VGLL4: variants seen among roughly 807,000 people sequenced by gnomAD.
The protein encoded by VGLL4 is transcription cofactor vestigial-like protein 4.
VGLL4 carries 7 observed loss-of-function variants against 21.0 expected under a neutral mutation model. The ratio of observed to expected loss-of-function variants is 0.33; its 90% CI spans 0.19 to 0.63. The LOEUF (loss-of-function observed/expected upper bound fraction) is 0.63. VGLL4 is among the 20% of genes least tolerant of loss of function. The pLI is 0.78. For synonymous variants in VGLL4, 222 were observed against 173.2 expected, an observed-to-expected ratio of 1.28 and a Z score of -2.21; for missense variants, 394 against 425.7, an observed-to-expected ratio of 0.93 and a Z score of 0.66.
intron 2 of VGLL4, among the ~76,000 whole-genome samples, chr3:11,668,689 T>C (rs1487653753): frequency 6.6e-6 from 1 of 152,178 alleles, no homozygotes; most frequent in Non-Finnish European, 1.5e-5. Context: ...TGCCACAATC[T>C]TCCCATTAAG....
intron 2 of VGLL4, among the ~76,000 whole-genome samples, chr3:11,566,194 T>C (rs1239142087): frequency 6.6e-6 from 1 of 152,086 alleles, no homozygotes; most frequent in Non-Finnish European, 1.5e-5. Flanking sequence ...GCACACAGAA[T>C]GTTACACACA....
chr3:11,558,658 G>A lies in VGLL4; in HGVS notation c.789C>T (p.Asp263=), dbSNP rs142310753. The change falls in exon 5 of 5, where the codon GAC becomes GAT. Residue 263 remains aspartate, a synonymous_variant. Coordinates refer to ENST00000430365, the MANE Select transcript of VGLL4 (RefSeq NM_001128219.3). ...CGGACTCAGGGCTGCTGGATGCTCC[G>A]TCCTTGGCCGCTTTGATCTGGAGCC... ...DTWLQIKAAK[D]GASSSPESAS... 73 of 1,612,598 alleles carry A rather than the reference G, an allele frequency of 4.5e-5. No individual in the cohort carries two copies. Among genetic ancestry groups the A allele is most frequent in the Admixed American group, 3.7e-4 (22 of 60,002 alleles).
At chr3:11,715,044 A>G (rs905885859) in intron 1 of VGLL4, among the ~76,000 whole-genome samples, 12 of 151,554 alleles carry the variant, frequency 7.9e-5, no homozygotes, top group Admixed American at 6.6e-4. Context: ...CTGAGGCAGG[A>G]GAATGGCGTG....
chr3:11,572,539 C>G lies in VGLL4; in HGVS notation c.273-7520G>C, dbSNP rs567339961. On this transcript the variant is annotated intron_variant, in intron 2 of 4. Coordinates refer to ENST00000430365, the MANE Select transcript of VGLL4 (RefSeq NM_001128219.3). ...GCTCCAGGCCCTCCTCAGTCCCATTCCCCTCTCTTCGTCCCCTGGGGCATC... is the reference window on the plus strand; with the variant it reads ...GCTCCAGGCCCTCCTCAGTCCCATTGCCCTCTCTTCGTCCCCTGGGGCATC... Among the ~76,000 whole-genome samples, 12 of 152,318 alleles carry G rather than the reference C, an allele frequency of 7.9e-5. No homozygotes were observed. In the South Asian group the frequency reaches 2.5e-3, roughly 32 times the overall value.
intron 1 of VGLL4, among the ~76,000 whole-genome samples, chr3:11,610,080 T>C (rs936252329): frequency 1.1e-4 from 16 of 152,160 alleles, no homozygotes; most frequent in Admixed American, 6.5e-5. Context: ...CCAGCCGCGC[T>C]GCACTGATGT....
chr3:11,712,119 T>G (rs1457535508), intron 1 of VGLL4, among the ~76,000 whole-genome samples: 2 of 152,198 alleles, frequency 1.3e-5, no homozygotes, highest in Non-Finnish European at 2.9e-5. Context: ...CTTCTCGCAC[T>G]TTACCATCTG....
At chr3:11,589,639 C>T (rs535032866) in intron 2 of VGLL4, among the ~76,000 whole-genome samples, 1 of 152,336 alleles carries the variant, frequency 6.6e-6, no homozygotes, top group African/African-American at 2.4e-5. Context: ...TAACAAAATA[C>T]TGTGGACTTC....
intron 2 of VGLL4, among the ~76,000 whole-genome samples, chr3:11,676,100 AT>A (rs1336464121): frequency 6.6e-6 from 1 of 152,158 alleles, no homozygotes; most frequent in Non-Finnish European, 1.5e-5. Flanking sequence ...ATTAAAAATA[AT>A]TTTTGGCCGG....
At chr3:11,620,665 A>G (rs1052428854) in intron 1 of VGLL4, among the ~76,000 whole-genome samples, 6 of 152,156 alleles carry the variant, frequency 3.9e-5, no homozygotes, top group Admixed American at 6.5e-5. Flanking sequence ...TTGGGAGCCA[A>G]TGACAACATT....
chr3:11,720,162 C>G (rs1157591655), intron 1 of VGLL4, among the ~76,000 whole-genome samples: 1 of 152,168 alleles, frequency 6.6e-6, no homozygotes, highest in Non-Finnish European at 1.5e-5. Flanking sequence ...ACACACACCC[C>G]GCCAAGCGCC....
chr3:11,560,890 A>G (rs919664571), intron 3 of VGLL4, among the ~76,000 whole-genome samples: 2 of 152,002 alleles, frequency 1.3e-5, no homozygotes, highest in African/African-American at 4.8e-5. Flanking sequence ...CGGGTGAGAG[A>G]CTTCACAATG....
rs142076904 is a variant in VGLL4, at chr3:11,683,197, T to G, written c.64+19774A>C. Among the ~76,000 whole-genome samples the G allele has an allele frequency of 5.4e-4, 69 of 126,670 alleles. No individual in the cohort carries two copies. The East Asian group carries it at 0.012, about 23-fold the overall frequency. The allele number at this position is 126,670 out of a possible 152,430, so 83.1% of individuals were successfully genotyped here. A position where few individuals can be genotyped will look rare whatever the true frequency, so the allele number is the denominator to read the frequency against. ...AGCCGAGATCACAACAGAGCGAGACTCTGTCTCAAAAAAATAAAAACAAAC... is the reference window on the plus strand; with the variant it reads ...AGCCGAGATCACAACAGAGCGAGACGCTGTCTCAAAAAAATAAAAACAAAC... On this transcript the variant is annotated intron_variant, in intron 2 of 5. Coordinates refer to the VGLL4 transcript ENST00000273038.
At chr3:11,709,508 T>G (rs993051670) in intron 1 of VGLL4, among the ~76,000 whole-genome samples, 2 of 151,810 alleles carry the variant, frequency 1.3e-5, no homozygotes, top group Non-Finnish European at 2.9e-5. Flanking sequence ...AACCAGTTTC[T>G]GGTCTATCTA....
At chr3:11,632,242 G>GA (rs2125317406) in intron 1 of VGLL4, among the ~76,000 whole-genome samples, 2 of 152,174 alleles carry the variant, frequency 1.3e-5, no homozygotes, top group East Asian at 3.9e-4. Flanking sequence ...GAACCCAGGA[G>GA]GCAGAGGTTG....
chr3:11,601,711 A>C, intron 2 of VGLL4, 122 bp downstream of exon 2: 1 of 1,224,222 alleles, frequency 8.2e-7, no homozygotes, highest in Non-Finnish European at 1.2e-6. Context: ...TTTCTTTTGT[A>C]AATAATATCC....
At chr3:11,598,738 T>A (rs1353969059) in intron 2 of VGLL4, among the ~76,000 whole-genome samples, 1 of 152,170 alleles carries the variant, frequency 6.6e-6, no homozygotes, top group Non-Finnish European at 1.5e-5. Context: ...GCAATCTGCC[T>A]GCCTCAGCCT....
At chr3:11,669,688 T>C (rs1354765625) in intron 2 of VGLL4, among the ~76,000 whole-genome samples, 3 of 152,064 alleles carry the variant, frequency 2.0e-5, no homozygotes. Context: ...TTTTTTTTTT[T>C]CATTTTATAG....
At chr3:11,612,707 C>G (rs28594845) in intron 1 of VGLL4, 1 of 152,128 alleles carries the variant, frequency 6.6e-6, no homozygotes, top group African/African-American at 2.4e-5. Flanking sequence ...TGGCTGTGCT[C>G]GTGCAGGCTA....
intron 1 of VGLL4, among the ~76,000 whole-genome samples, chr3:11,617,883 G>C (rs1559903185): frequency 6.6e-6 from 1 of 152,174 alleles, no homozygotes; most frequent in South Asian, 2.1e-4. Flanking sequence ...GTCAGGTGAC[G>C]TTTTTATGTA....
Sources: allele counts gnomAD v4.1 joint callset (sites outside exome capture counted in the v4.1 genomes callset), GRCh38; gene constraint gnomAD v4.1.1; transcripts MANE v1.5; gene names NCBI Gene and HGNC (gene_info 2026-07-23, HGNC 2026-07-21).